The following TNFRSF8 variants were observed in gnomAD, a reference collection of about 807,000 sequenced individuals.
TNFRSF8 encodes TNF receptor superfamily member 8.
Under a neutral mutation model 70.8 loss-of-function variants are expected in TNFRSF8, and 26 were observed. The ratio of observed to expected loss-of-function variants is 0.37; its 90% CI spans 0.27 to 0.51. The LOEUF (loss-of-function observed/expected upper bound fraction) is 0.51, where lower values mean the gene tolerates loss of function less well. Among genes scored for constraint, TNFRSF8 ranks in the 20% least tolerant of loss-of-function variants. The pLI, the probability that TNFRSF8 is intolerant of heterozygous loss-of-function variation, is 0.94. For missense variants in TNFRSF8, 720 were observed against 807.9 expected (o/e 0.89, Z 1.32); for synonymous variants, 356 against 339.2 (o/e 1.05, Z -0.54).
intron 2 of TNFRSF8, 75 bp from the exon 3 acceptor site, chr1:12,097,026 A>G: frequency 1.8e-6 from 2 of 1,105,740 alleles, no homozygotes; most frequent in Non-Finnish European, 2.7e-6. Flanking sequence ...GTCAGGGATG[A>G]GAGGTGTGGG....
chr1:12,065,603 C>T (rs1163792308), intron 1 of TNFRSF8, among the ~76,000 whole-genome samples: 1 of 152,078 alleles, frequency 6.6e-6, no homozygotes, highest in African/African-American at 2.4e-5. Context: ...TTTTAATAGA[C>T]ATATATATAG....
In TNFRSF8 at chr1:12,104,429, G is replaced by T; in HGVS notation, c.319G>T (p.Glu107Ter). 1 of 1,614,152 alleles carries T rather than the reference G, an allele frequency of 6.2e-7. No individual in the cohort carries two copies. The highest frequency in any genetic ancestry group is 8.5e-7 in the Non-Finnish European group (1 of 1,180,028). ...TGCATGGAACTCCTCCCGTGTCTGC[G>T]AATGTCGACCCGGCATGTTCTGTTC... ...PCAWNSSRVC[E>*]CRPGMFCSTS... Residue 107 changes from glutamate (E) to a stop codon, truncating the protein, a stop_gained, in exon 4 of 15, where the codon GAA (glutamate) becomes TAA (stop). Transcript: ENST00000263932. LOFTEE classifies it high-confidence loss of function.
At chr1:12,086,504 C>CCCCCT (rs1250808741) in intron 2 of TNFRSF8, among the ~76,000 whole-genome samples, 1 of 146,670 alleles carries the variant, frequency 6.8e-6, no homozygotes, top group East Asian at 2.0e-4. Flanking sequence ...AAGTACCTGC[C>CCCCCT]CACCCACCCA....
chr1:12,091,658 C>T (rs1641249858), intron 2 of TNFRSF8, among the ~76,000 whole-genome samples: 1 of 152,154 alleles, frequency 6.6e-6, no homozygotes, highest in African/African-American at 2.4e-5. Context: ...GATGGAGAAG[C>T]CACTTAGCCT....
chr1:12,123,162 C>T (rs1641862426), intron 8 of TNFRSF8, 122 bp from the exon 9 acceptor site: 1 of 747,022 alleles, frequency 1.3e-6, no homozygotes, highest in South Asian at 2.1e-5. Flanking sequence ...AAACACAAAT[C>T]TGACTGTCTT....
intron 2 of TNFRSF8, among the ~76,000 whole-genome samples, chr1:12,085,683 G>A (rs1011497075): frequency 1.3e-5 from 2 of 152,202 alleles, no homozygotes; most frequent in Admixed American, 1.3e-4. Flanking sequence ...CCCCAGCACC[G>A]TGATTGACTT....
rs773056107 is a variant in TNFRSF8, at chr1:12,084,516, A to T, written c.116A>T (p.Lys39Met). ...GGAAACCCCAGCCACTACTATGACA[A>T]GGCTGTCAGGAGGTGCTGTTACCGC... The part of the protein sequence containing the change: ...CHGNPSHYYD[K>M]AVRRCCYRCP... Residue 39 changes from lysine (K) to methionine (M), a missense_variant, in exon 2 of 15, where the codon AAG (lysine) becomes ATG (methionine). Physicochemically the swap from Lys to Met is moderately conservative, Grantham distance 95 (BLOSUM62 -1). Transcript: ENST00000263932. 1.2e-6 allele frequency: 2 copies of T among 1,612,736 alleles called. No homozygotes were observed. Among genetic ancestry groups the T allele is most frequent in the Non-Finnish European group, 1.7e-6 (2 of 1,179,310 alleles).
At chr1:12,096,021 C>T (rs865804822) in intron 2 of TNFRSF8, among the ~76,000 whole-genome samples, 23 of 152,216 alleles carry the variant, frequency 1.5e-4, no homozygotes, top group Admixed American at 1.2e-3. Context: ...AGTAGATAAA[C>T]GGAGGACATC....
intron 1 of TNFRSF8, among the ~76,000 whole-genome samples, chr1:12,081,889 C>T (rs1641070233): frequency 6.6e-6 from 1 of 152,128 alleles, no homozygotes; most frequent in African/African-American, 2.4e-5. Context: ...CTCCTTTCTG[C>T]CAGGCACCAT....
At position 12,136,447 on chromosome 1, in the gene TNFRSF8, G is replaced by A. The variant is rs183763268; in HGVS notation, c.1335+834G>A. Among the ~76,000 whole-genome samples, 378 of 152,104 alleles carry A rather than the reference G, an allele frequency of 2.5e-3. 1 individual carries two copies. Among genetic ancestry groups the A allele is most frequent in the African/African-American group, 8.8e-3 (364 of 41,478 alleles). On this transcript the variant is annotated intron_variant, in intron 13 of 14. Coordinates refer to ENST00000263932, the MANE Select transcript of TNFRSF8 (RefSeq NM_001243.5). ...GCGGATCACCTGAGGTCAGGAGTTC[G>A]AGACCAGCCTTGCCAACATAGTGAA...
intron 3 of TNFRSF8, among the ~76,000 whole-genome samples, chr1:12,100,664 C>T (rs562069123): frequency 6.6e-6 from 1 of 152,198 alleles, no homozygotes; most frequent in African/African-American, 2.4e-5. Context: ...TCCTCCAAAT[C>T]TTGTCCCATT....
At chr1:12,077,130 C>T (rs75696797) in intron 1 of TNFRSF8, among the ~76,000 whole-genome samples, 2 of 151,996 alleles carry the variant, frequency 1.3e-5, no homozygotes, top group Non-Finnish European at 2.9e-5. Flanking sequence ...TGCCGTGTTG[C>T]CCGGGCTGGT....
chr1:12,072,207 C>A (rs1427550328), intron 1 of TNFRSF8, among the ~76,000 whole-genome samples: 1 of 152,166 alleles, frequency 6.6e-6, no homozygotes, highest in African/African-American at 2.4e-5. Context: ...GTGCTGAGAG[C>A]AGCTTCTGGA....
chr1:12,109,485 G>A lies in TNFRSF8; in HGVS notation c.422-81G>A. 3.3e-6 allele frequency: 4 copies of A among 1,194,720 alleles called. No homozygotes were observed. The highest frequency in any genetic ancestry group is 4.8e-6 in the Non-Finnish European group (4 of 825,242). The allele number at this position is 1,194,720 out of a possible 1,614,324, so 74.0% of individuals were successfully genotyped here. A position where few individuals can be genotyped will look rare whatever the true frequency, so the allele number is the denominator to read the frequency against. The stretch of plus-strand genomic sequence containing the variant: ...TCCAAGGGCCCCATCTCCGACTCTG[G>A]CCTGTGGTAGTGAAGGGTGTATTCC... On this transcript the variant is annotated intron_variant, in intron 4 of 14. Transcript: ENST00000263932. This position sits in a 1 kb window ranked among gnomAD's most constrained non-coding sequence, Gnocchi z 4.4.
intron 1 of TNFRSF8, among the ~76,000 whole-genome samples, chr1:12,079,951 T>A (rs1394962771): frequency 6.5e-5 from 2 of 30,666 alleles, no homozygotes; most frequent in Admixed American, 1.0e-3. Context: ...AATTCTCTAT[T>A]TTTTTTTTTT....
intron 1 of TNFRSF8, among the ~76,000 whole-genome samples, chr1:12,074,244 G>A (rs182387308): frequency 2.0e-5 from 3 of 151,556 alleles, no homozygotes; most frequent in East Asian, 3.9e-4. Flanking sequence ...TGCTTCCCTA[G>A]TGCCAAAGGC....
intron 8 of TNFRSF8, among the ~76,000 whole-genome samples, chr1:12,116,352 G>A (rs1641729900): frequency 1.3e-5 from 2 of 152,244 alleles, no homozygotes; most frequent in South Asian, 4.1e-4. Context: ...TCAAGTTTCT[G>A]AAGAGATTTC....
Position 12,138,145 on chromosome 1 carries a change from T to C in TNFRSF8, c.1336-84T>C. On this transcript the variant is annotated intron_variant, in intron 13 of 14. Transcript: ENST00000263932. This position sits in a 1 kb window ranked among gnomAD's most constrained non-coding sequence, Gnocchi z 5.7. ...GGGGACTCACTGGGGTCTGTAGAGA[T>C]GAAAAAAAAAAGGGGCCTCCCAGTT... 7.2e-7 allele frequency: 1 copy of C among 1,390,790 alleles called. No homozygotes were observed. 86.2% of individuals were successfully genotyped at this position (1,390,790 alleles called of 1,614,324 possible). A position where few individuals can be genotyped will look rare whatever the true frequency, so the allele number is the denominator to read the frequency against.
At chr1:12,133,848 T>C (rs1419973195) in intron 12 of TNFRSF8, among the ~76,000 whole-genome samples, 1 of 150,114 alleles carries the variant, frequency 6.7e-6, no homozygotes, top group Non-Finnish European at 1.5e-5. Context: ...AGGTCAGGAG[T>C]TGGAGACCAA....
Sources: gnomAD v4.1 joint callset for allele counts (sites outside exome capture counted in the v4.1 genomes callset) on GRCh38, gnomAD v4.1.1 for gene constraint, Gnocchi (gnomAD v3.1) non-coding constraint, MANE v1.5 for transcripts, NCBI Gene and HGNC (gene_info 2026-07-23, HGNC 2026-07-21) for gene names.